The following HERC3 variants were observed in gnomAD, a reference collection of about 807,000 sequenced individuals.
The protein encoded by HERC3 is probable E3 ubiquitin-protein ligase HERC3.
In HERC3, 58 loss-of-function variants were observed where a neutral mutation model predicts 129.9. The observed-to-expected ratio is 0.45, with a 90% CI of 0.36 to 0.56. The LOEUF (loss-of-function observed/expected upper bound fraction) is 0.56, where lower values mean the gene tolerates loss of function less well. HERC3 is among the 20% of genes least tolerant of loss of function. The pLI is 0.00. For synonymous variants in HERC3, 430 were observed against 451.0 expected (o/e 0.95, Z 0.59); for missense variants, 835 against 1,244.2 (o/e 0.67, Z 4.95).
intron 23 of HERC3, among the ~76,000 whole-genome samples, chr4:88,703,580 G>A (rs1226253727): frequency 3.3e-5 from 5 of 152,116 alleles, no homozygotes; most frequent in Non-Finnish European, 5.9e-5. Context: ...TAGTGAGATG[G>A]AGCCTTTATT....
At chr4:88,656,449 C>G (rs1729911169) in intron 9 of HERC3, 1 of 171,580 alleles carries the variant, frequency 5.8e-6, no homozygotes, top group Non-Finnish European at 1.3e-5. Context: ...GAAGCAGGAG[C>G]AAGAGGAAGA....
intron 11 of HERC3, among the ~76,000 whole-genome samples, chr4:88,663,832 T>C (rs1464225522): frequency 6.6e-6 from 1 of 152,230 alleles, no homozygotes; most frequent in African/African-American, 2.4e-5. Flanking sequence ...ATTCTGTGTT[T>C]CTCTTTGGAG....
intron 10 of HERC3, among the ~76,000 whole-genome samples, chr4:88,660,650 C>G (rs1163014603): frequency 6.6e-6 from 1 of 152,178 alleles, no homozygotes; most frequent in African/African-American, 2.4e-5. Context: ...CATAGCATCT[C>G]CTTTTCCTGT....
At chr4:88,703,282 C>G (rs1009521744) in intron 23 of HERC3, among the ~76,000 whole-genome samples, 22 of 152,122 alleles carry the variant, frequency 1.4e-4, no homozygotes, top group Admixed American at 3.3e-4. Flanking sequence ...TTCCACTCCT[C>G]TGCTTGATTT....
At chr4:88,602,504 G>A (rs1184222466) in intron 2 of HERC3, among the ~76,000 whole-genome samples, 2 of 151,808 alleles carry the variant, frequency 1.3e-5, no homozygotes, top group African/African-American at 2.4e-5. Flanking sequence ...TTTAAGATGG[G>A]TCTCGCTCTA....
rs144461025 is a variant in HERC3, at chr4:88,612,513, A to G, written c.226+6464A>G. Among the ~76,000 whole-genome samples, 731 of 152,270 alleles carry G rather than the reference A, an allele frequency of 4.8e-3. 6 individuals carry two copies. Among genetic ancestry groups the G allele is most frequent in the Non-Finnish European group, 5.4e-3 (366 of 68,016 alleles). ...CAGAAGCATTTTTCAGATGTAGTAT[A>G]TTAAGCCCCATCTAAACTCAATTTC... On this transcript the variant is annotated intron_variant, in intron 3 of 25. Coordinates refer to ENST00000402738, the MANE Select transcript of HERC3 (RefSeq NM_014606.3).
chr4:88,679,983 T>C, intron 19 of HERC3, 110 bp from the exon 20 acceptor site: 1 of 931,324 alleles, frequency 1.1e-6, no homozygotes. Flanking sequence ...GTGTGTATTC[T>C]TTGTTATGCT....
the HERC3 span, among the ~76,000 whole-genome samples, chr4:88,572,817 AAT>A: frequency 9.6e-3 from 1,020 of 106,128 alleles, 8 homozygotes; most frequent in Middle Eastern, 0.025. Flanking sequence ...AAAAAAAAAA[AAT>A]AATAATAATA....
At chr4:88,611,768 A>G (rs1280498864) in intron 3 of HERC3, among the ~76,000 whole-genome samples, 1 of 152,206 alleles carries the variant, frequency 6.6e-6, no homozygotes, top group Admixed American at 6.5e-5. Context: ...ATCAACACTT[A>G]CTTTGCTGAT....
At chr4:88,537,209 C>A in the HERC3 span, among the ~76,000 whole-genome samples, 3 of 152,036 alleles carry the variant, frequency 2.0e-5, no homozygotes, top group South Asian at 6.2e-4. Context: ...ATTTTTATAG[C>A]AAAAGGAAAA....
chr4:88,533,384 CTG>C, the HERC3 span, among the ~76,000 whole-genome samples: 3 of 152,200 alleles, frequency 2.0e-5, no homozygotes, highest in African/African-American at 7.2e-5. Context: ...GAACAATACT[CTG>C]TATCCTTCAA....
At chr4:88,543,247 A>T in the HERC3 span, among the ~76,000 whole-genome samples, 1 of 152,230 alleles carries the variant, frequency 6.6e-6, no homozygotes, top group African/African-American at 2.4e-5. Flanking sequence ...AAGTCTCAAG[A>T]TACAAAATCA....
At chr4:88,605,109 G>A (rs572004307) in intron 2 of HERC3, among the ~76,000 whole-genome samples, 2 of 152,296 alleles carry the variant, frequency 1.3e-5, no homozygotes, top group South Asian at 4.1e-4. Context: ...GGGGAGTTAA[G>A]TTATAAAGAT....
chr4:88,634,406 G>T (rs1727121301), intron 3 of HERC3, among the ~76,000 whole-genome samples: 1 of 152,186 alleles, frequency 6.6e-6, no homozygotes, highest in South Asian at 2.1e-4. Context: ...TGTGGGAGGG[G>T]TGGCAGCCAA....
In HERC3 at chr4:88,676,288, T is replaced by G. The variant is rs752073739; in HGVS notation, c.1936-46T>G. On this transcript the variant is annotated intron_variant, in intron 17 of 25. Transcript: ENST00000402738. Reference sequence around the variant, plus strand: ...TGCTTTTATATTTTTCCAGCTATACTTTCTGTGGAATAGTATAATACTGTC... The same window carrying G: ...TGCTTTTATATTTTTCCAGCTATACGTTCTGTGGAATAGTATAATACTGTC... 1.3e-5 allele frequency: 21 copies of G among 1,570,678 alleles called. No individual in the cohort carries two copies. In the South Asian group the frequency reaches 2.2e-4, roughly 17 times the overall value.
intron 11 of HERC3, 40 bp downstream of exon 11, chr4:88,662,595 A>T (rs377171974): frequency 3.8e-6 from 6 of 1,583,398 alleles, no homozygotes; most frequent in Middle Eastern, 2.0e-4. Context: ...TCCACAAAGT[A>T]TGTTACAACT....
chr4:88,560,158 C>G, the HERC3 span, among the ~76,000 whole-genome samples: 1 of 151,998 alleles, frequency 6.6e-6, no homozygotes, highest in African/African-American at 2.4e-5. Flanking sequence ...TGGGGTTTCA[C>G]CATGTTGGCT....
intron 9 of HERC3, chr4:88,656,776 A>G (rs1729949310): frequency 6.6e-6 from 1 of 152,208 alleles, no homozygotes; most frequent in Non-Finnish European, 1.5e-5. Context: ...TTACTATGCA[A>G]AGCACTCAAA....
intron 6 of HERC3, 70 bp from the exon 7 acceptor site, chr4:88,653,972 C>T: frequency 8.7e-7 from 1 of 1,144,072 alleles, no homozygotes; most frequent in Non-Finnish European, 1.3e-6. Context: ...AAAATTCATG[C>T]CAAGATAGTT....
Sources: gnomAD v4.1 joint callset for allele counts (sites outside exome capture counted in the v4.1 genomes callset) on GRCh38, gnomAD v4.1.1 for gene constraint, MANE v1.5 for transcripts, NCBI Gene and HGNC (gene_info 2026-07-23, HGNC 2026-07-21) for gene names.